Variants in CCSER1 observed in about 807,000 individuals in gnomAD.
CCSER1 encodes coiled-coil serine rich protein 1, also known as serine-rich coiled-coil domain-containing protein 1.
Under a neutral mutation model 82.0 loss-of-function variants are expected in CCSER1, and 41 were observed. That is an observed-to-expected ratio of 0.50 (90% CI 0.39 to 0.65). The LOEUF is 0.65. Among genes scored for constraint, CCSER1 ranks in the 30% least tolerant of loss-of-function variants. The pLI, the probability that CCSER1 is intolerant of heterozygous loss-of-function variation, is 0.00. For synonymous variants in CCSER1, 414 were observed against 383.9 expected, an observed-to-expected ratio of 1.08 and a Z score of -0.92; for missense variants, 1,119 against 1,064.2, an observed-to-expected ratio of 1.05 and a Z score of -0.72.
At chr4:91,295,089 A>C (rs1485705837) in intron 10 of CCSER1, among the ~76,000 whole-genome samples, 1 of 152,018 alleles carries the variant, frequency 6.6e-6, no homozygotes, top group African/African-American at 2.4e-5. Context: ...ACAGTAGTGG[A>C]ATATGGCAAA....
chr4:90,940,595 C>T (rs1731478031), intron 9 of CCSER1, among the ~76,000 whole-genome samples: 1 of 151,908 alleles, frequency 6.6e-6, no homozygotes, highest in Non-Finnish European at 1.5e-5. Flanking sequence ...AATTTTTGTG[C>T]TATATTCCAA....
chr4:90,761,316 G>A (rs1466228951), intron 7 of CCSER1, among the ~76,000 whole-genome samples: 1 of 152,072 alleles, frequency 6.6e-6, no homozygotes, highest in Admixed American at 6.6e-5. Context: ...ATTTATCTTT[G>A]TGTCTTCATC....
At chr4:90,943,895 G>A (rs1353429574) in intron 9 of CCSER1, among the ~76,000 whole-genome samples, 1 of 151,150 alleles carries the variant, frequency 6.6e-6, no homozygotes, top group African/African-American at 2.4e-5. Flanking sequence ...TGTATCGGAA[G>A]GTAAACTTTA....
intron 10 of CCSER1, among the ~76,000 whole-genome samples, chr4:91,439,543 A>C (rs1458804158): frequency 1.3e-5 from 2 of 152,288 alleles, no homozygotes; most frequent in South Asian, 2.1e-4. Context: ...AATTGTAAAG[A>C]CCATCGAGAC....
chr4:91,410,513 T>C (rs1000184163), intron 10 of CCSER1, among the ~76,000 whole-genome samples: 28 of 152,192 alleles, frequency 1.8e-4, no homozygotes, highest in Admixed American at 1.8e-3. Context: ...TCTGGTTGCT[T>C]GAGTCCTTCG....
At chr4:90,161,863 C>T (rs1461719398) in intron 1 of CCSER1, among the ~76,000 whole-genome samples, 3 of 152,030 alleles carry the variant, frequency 2.0e-5, no homozygotes, top group Admixed American at 6.6e-5. Flanking sequence ...AATTCAAGAC[C>T]TAGAGAGCTA....
chr4:90,415,283 CA>C (rs1755625705), intron 4 of CCSER1, among the ~76,000 whole-genome samples: 4 of 152,186 alleles, frequency 2.6e-5, no homozygotes, highest in Non-Finnish European at 5.9e-5. Flanking sequence ...CCCTTCAGTA[CA>C]AGCTGAGACA....
chr4:90,523,715 T>A (rs895745672), intron 5 of CCSER1, among the ~76,000 whole-genome samples: 5 of 152,114 alleles, frequency 3.3e-5, no homozygotes, highest in Admixed American at 3.3e-4. Context: ...TTTCATCATC[T>A]GGAAAGATGA....
intron 9 of CCSER1, among the ~76,000 whole-genome samples, chr4:91,003,771 G>T (rs373525870): frequency 6.6e-6 from 1 of 152,138 alleles, no homozygotes; most frequent in Non-Finnish European, 1.5e-5. Flanking sequence ...TTAAAAAAAA[G>T]TTCGACTGGA....
chr4:90,883,569 T>G (rs2150082543), intron 8 of CCSER1, among the ~76,000 whole-genome samples: 1 of 150,824 alleles, frequency 6.6e-6, no homozygotes, highest in Non-Finnish European at 1.5e-5. Flanking sequence ...GAATGGCAAG[T>G]GTACATAGTC....
chr4:90,857,849 T>C (rs1764636751), intron 8 of CCSER1, among the ~76,000 whole-genome samples: 1 of 152,072 alleles, frequency 6.6e-6, no homozygotes, highest in Admixed American at 6.6e-5. Context: ...TAGTGTATTG[T>C]ATTCAGGATT....
chr4:90,790,436 G>C (rs1474653019), intron 7 of CCSER1, among the ~76,000 whole-genome samples: 1 of 152,052 alleles, frequency 6.6e-6, no homozygotes, highest in Non-Finnish European at 1.5e-5. Context: ...TAAAATACTT[G>C]TTCCCCAAAC....
chr4:91,196,148 C>G (rs1321405876), intron 10 of CCSER1, among the ~76,000 whole-genome samples: 4 of 139,798 alleles, frequency 2.9e-5, no homozygotes, highest in African/African-American at 1.1e-4. Flanking sequence ...GATTGCTCCA[C>G]AGCAGTCCGG....
rs181431931 is a variant in CCSER1, at chr4:90,604,966, G to T, written c.1725-23059G>T. ...GGGGTCAGATAAGGGAATAAAAGCAGGCTGCCCCAGCCAGCAGCGGCAACT... is the reference window on the plus strand; with the variant it reads ...GGGGTCAGATAAGGGAATAAAAGCATGCTGCCCCAGCCAGCAGCGGCAACT... On this transcript the variant is annotated intron_variant, in intron 5 of 10. Transcript: ENST00000509176. Among the ~76,000 whole-genome samples, 133 of 152,052 alleles carry T rather than the reference G, an allele frequency of 8.7e-4. 3 individuals are homozygous for T. The East Asian group carries it at 0.02, about 23-fold the overall frequency.
intron 8 of CCSER1, among the ~76,000 whole-genome samples, chr4:90,869,753 A>G (rs1045315995): frequency 6.0e-5 from 9 of 151,198 alleles, no homozygotes; most frequent in African/African-American, 1.9e-4. Context: ...GGTCATCGGT[A>G]TTTTGCTCAG....
Position 90,599,083 on chromosome 4 carries a change from G to C in CCSER1, c.1725-28942G>C, listed in dbSNP as rs150658082. Among the ~76,000 whole-genome samples, 175 of 152,254 alleles carry C rather than the reference G, an allele frequency of 1.1e-3. 2 individuals are homozygous for C. The highest frequency in any genetic ancestry group is 6.8e-3 in the East Asian group (35 of 5,158). On this transcript the variant is annotated intron_variant, in intron 5 of 10. Coordinates refer to ENST00000509176, the MANE Select transcript of CCSER1 (RefSeq NM_001145065.2). ...CTTCTCTAGAGTAGTACAGCCATGTGAATCCCAGGCAATTCCCTAAGCTGT... is the reference window on the plus strand; with the variant it reads ...CTTCTCTAGAGTAGTACAGCCATGTCAATCCCAGGCAATTCCCTAAGCTGT...
At chr4:90,196,121 G>C (rs1736552690) in intron 1 of CCSER1, among the ~76,000 whole-genome samples, 1 of 146,106 alleles carries the variant, frequency 6.8e-6, no homozygotes, top group African/African-American at 2.6e-5. Flanking sequence ...TTTGCAACTA[G>C]GTGTGGTGGT....
intron 1 of CCSER1, among the ~76,000 whole-genome samples, chr4:90,226,148 T>A (rs1743114114): frequency 6.6e-6 from 1 of 152,184 alleles, no homozygotes; most frequent in Admixed American, 6.5e-5. Context: ...AATTTTGGAT[T>A]TCAGCCCCAA....
intron 8 of CCSER1, among the ~76,000 whole-genome samples, chr4:90,892,643 A>G (rs978157109): frequency 2.0e-5 from 3 of 151,872 alleles, no homozygotes; most frequent in African/African-American, 7.2e-5. Flanking sequence ...TGGACTTCCT[A>G]ATTCAATTCT....
Sources: allele counts gnomAD v4.1 joint callset (sites outside exome capture counted in the v4.1 genomes callset), GRCh38; gene constraint gnomAD v4.1.1; transcripts MANE v1.5; gene names NCBI Gene and HGNC (gene_info 2026-07-23, HGNC 2026-07-21).